Variants in POLB observed in about 807,000 individuals in gnomAD.
The protein encoded by POLB is DNA polymerase beta.
POLB carries 37 observed loss-of-function variants against 52.7 expected under a neutral mutation model. The observed-to-expected ratio is 0.70, with a 90% CI of 0.54 to 0.92. The LOEUF is 0.92. Ranked by LOEUF, POLB falls within the 40% of genes least tolerant of loss-of-function variation. POLB has a pLI of 0.00. For missense variants in POLB, 313 were observed against 400.8 expected (o/e 0.78, Z 1.87); for synonymous variants, 138 against 131.3 (o/e 1.05, Z -0.35).
intron 9 of POLB, among the ~76,000 whole-genome samples, chr8:42,358,154 A>G (rs1332305538): frequency 6.6e-6 from 1 of 152,216 alleles, no homozygotes; most frequent in African/African-American, 2.4e-5. Flanking sequence ...TAAGAACCAT[A>G]TAATCCTGGT....
At chr8:42,369,066 G>T in intron 11 of POLB, 1 of 380,080 alleles carries the variant, frequency 2.6e-6, no homozygotes, top group Non-Finnish European at 4.7e-6. Flanking sequence ...ATCCTTATTT[G>T]CAGTTTTGTG....
chr8:42,354,728 G>A (rs1486163539), intron 6 of POLB, among the ~76,000 whole-genome samples: 1 of 151,698 alleles, frequency 6.6e-6, no homozygotes, highest in Non-Finnish European at 1.5e-5. Flanking sequence ...AGTTTTAGTG[G>A]AGACAGAGTT....
intron 5 of POLB, among the ~76,000 whole-genome samples, 163 bp downstream of exon 5, chr8:42,350,228 G>A (rs928877671): frequency 1.3e-5 from 2 of 152,106 alleles, no homozygotes; most frequent in Non-Finnish European, 1.5e-5. Context: ...CGATTCTTCA[G>A]ATAGTGTCTC....
intron 13 of POLB, chr8:42,370,195 C>T (rs905679742): frequency 1.4e-5 from 9 of 656,738 alleles, no homozygotes; most frequent in Admixed American, 2.1e-5. Flanking sequence ...AGCGTTAGTT[C>T]CAGCTTTGTT....
intron 5 of POLB, among the ~76,000 whole-genome samples, chr8:42,352,135 A>G (rs906710262): frequency 6.6e-6 from 1 of 152,098 alleles, no homozygotes. Context: ...TTTCTTGTTT[A>G]TGTAACTAAC....
intron 11 of POLB, chr8:42,369,017 T>C (rs1824211484): frequency 1.0e-5 from 3 of 289,168 alleles, no homozygotes; most frequent in Non-Finnish European, 1.9e-5. Context: ...ATTAGTTTCT[T>C]GCTTAGAATC....
Position 42,339,034 on chromosome 8 carries a change from C to T in POLB, c.84C>T (p.Asn28=). The T allele has an allele frequency of 1.9e-6, 3 of 1,613,928 alleles. No individual in the cohort carries two copies. Among genetic ancestry groups the T allele is most frequent in the Non-Finnish European group, 8.5e-7 (1 of 1,179,818 alleles). The change falls in exon 2 of 14, where the codon AAC becomes AAT. Residue 28 remains asparagine, a synonymous_variant. Transcript: ENST00000265421. ...MLTELANFEK[N]VSQAIHKYNA... is the part of the protein sequence containing the mutation. ...CAGAACTCGCAAACTTTGAGAAGAA[C>T]GTGAGCCAAGCTATCCACAAGTACA...
At chr8:42,345,211 G>C (rs1458038178) in intron 3 of POLB, among the ~76,000 whole-genome samples, 192 bp downstream of exon 3, 4 of 152,202 alleles carry the variant, frequency 2.6e-5, no homozygotes, top group African/African-American at 9.7e-5. Context: ...TCATTTGGGA[G>C]AAGATGGGTT....
At chr8:42,340,875 G>A (rs1223444797) in intron 2 of POLB, among the ~76,000 whole-genome samples, 1 of 152,188 alleles carries the variant, frequency 6.6e-6, no homozygotes, top group African/African-American at 2.4e-5. Context: ...AAATTACAGA[G>A]ATATTCAACT....
At chr8:42,338,923 C>T (rs3136717) in intron 1 of POLB, 89 bp from the exon 2 acceptor site, 1,009,328 of 1,198,058 alleles carry the variant, frequency 0.84, 435,754 homozygotes, top group Admixed American at 0.89. Flanking sequence ...GTCACTGTCT[C>T]TTAGAGGCTG....
intron 9 of POLB, among the ~76,000 whole-genome samples, chr8:42,359,925 A>G (rs1263341821): frequency 2.6e-5 from 4 of 151,892 alleles, no homozygotes; most frequent in African/African-American, 9.7e-5. Flanking sequence ...ATGGATGTCC[A>G]GTACACATTC....
chr8:42,342,503 T>G, intron 2 of POLB: 2 of 980,196 alleles, frequency 2.0e-6, no homozygotes, highest in East Asian at 2.4e-5. Context: ...TTGGGTGTGT[T>G]GTATTTATTT....
At chr8:42,354,353 G>A (rs976798900) in intron 6 of POLB, 2 of 564,300 alleles carry the variant, frequency 3.5e-6, no homozygotes, top group Admixed American at 2.5e-5. Context: ...GTATATTTGT[G>A]GCTATAAGGG....
intron 7 of POLB, 36 bp downstream of exon 7, chr8:42,355,603 T>TAAAA: frequency 7.4e-7 from 1 of 1,352,880 alleles, no homozygotes; most frequent in Non-Finnish European, 1.1e-6. Flanking sequence ...ACTTGAGATA[T>TAAAA]AAAAGTAAAT....
chr8:42,354,483 T>A, intron 6 of POLB: 1 of 1,270,732 alleles, frequency 7.9e-7, no homozygotes, highest in Non-Finnish European at 1.0e-6. Flanking sequence ...TTAGACTTAA[T>A]ATGGGATGTT....
intron 2 of POLB, chr8:42,340,131 G>A (rs918439036): frequency 1.1e-4 from 17 of 151,974 alleles, no homozygotes; most frequent in African/African-American, 3.9e-4. Flanking sequence ...TTCACCCCTG[G>A]CTCATGCTGT....
intron 7 of POLB, among the ~76,000 whole-genome samples, chr8:42,356,425 A>G (rs573775917): frequency 1.6e-4 from 24 of 152,366 alleles, no homozygotes; most frequent in Admixed American, 2.0e-4. Context: ...TAACAGCCTT[A>G]TTGAGATGTA....
At position 42,352,642 on chromosome 8, in the gene POLB, C is replaced by G. The variant is rs1454185188; in HGVS notation, c.370+74C>G. On this transcript the variant is annotated intron_variant, in intron 6 of 13. Transcript: ENST00000265421. ...GGACCATTAGTGCTCTAACAAACTTCAACTTGAAAAACCCATTCTCAATCA... is the reference window on the plus strand; with the variant it reads ...GGACCATTAGTGCTCTAACAAACTTGAACTTGAAAAACCCATTCTCAATCA... 7.7e-6 allele frequency: 7 copies of G among 906,944 alleles called. 1 individual carries two copies. Among genetic ancestry groups the G allele is most frequent in the South Asian group, 6.7e-5 (5 of 74,166 alleles). The allele number at this position is 906,944 out of a possible 1,614,324, so 56.2% of individuals were successfully genotyped here.
chr8:42,348,853 G>A (rs1563394362), intron 3 of POLB, among the ~76,000 whole-genome samples, 163 bp from the exon 4 acceptor site: 1 of 151,968 alleles, frequency 6.6e-6, no homozygotes, highest in South Asian at 2.1e-4. Context: ...TTCTGTCTTC[G>A]GGAGAATTTA....
Sources: gnomAD v4.1 joint callset for allele counts (sites outside exome capture counted in the v4.1 genomes callset) on GRCh38, gnomAD v4.1.1 for gene constraint, MANE v1.5 for transcripts, NCBI Gene and HGNC (gene_info 2026-07-23, HGNC 2026-07-21) for gene names.